WDFY4: variants seen among roughly 807,000 people sequenced by gnomAD.
The protein encoded by WDFY4 is WDFY family member 4.
WDFY4 carries 169 observed loss-of-function variants against 351.9 expected under a neutral mutation model. That is an observed-to-expected ratio of 0.48 (90% confidence interval 0.42 to 0.55). WDFY4 has a LOEUF of 0.55. Ranked by LOEUF, WDFY4 falls within the 20% of genes least tolerant of loss-of-function variation. The pLI, the probability that WDFY4 is intolerant of heterozygous loss-of-function variation, is 0.00. For synonymous variants in WDFY4, 1,622 were observed against 1,574.6 expected (o/e 1.03, Z -0.71); for missense variants, 3,803 against 3,935.6 (o/e 0.97, Z 0.90).
rs577133497 is a variant in WDFY4 at position 48,729,084 on chromosome 10, T to C, written c.972-348T>C. Among the ~76,000 whole-genome samples the C allele has an allele frequency of 2.0e-5, 3 of 152,382 alleles. No homozygotes were observed. In the East Asian group the frequency reaches 5.8e-4, roughly 29 times the overall value. The stretch of plus-strand genomic sequence containing the variant: ...CCGACTATTTCCCACACCATTTTGT[T>C]GCAATGTTGAACTATTATATTACAT... On this transcript the variant is annotated intron_variant, in intron 7 of 61. Coordinates refer to ENST00000325239, the MANE Select transcript of WDFY4 (RefSeq NM_001394531.1).
chr10:48,859,654 A>G (rs1365525029), intron 39 of WDFY4, among the ~76,000 whole-genome samples: 1 of 152,152 alleles, frequency 6.6e-6, no homozygotes, highest in Non-Finnish European at 1.5e-5. Flanking sequence ...TCGTGAACAA[A>G]TAGTTTTCTC....
chr10:48,711,944 C>T (rs566316131), intron 2 of WDFY4, among the ~76,000 whole-genome samples: 1 of 152,230 alleles, frequency 6.6e-6, no homozygotes, highest in Non-Finnish European at 1.5e-5. Flanking sequence ...TCGGAGCTCA[C>T]TCCAACATCT....
chr10:48,976,930 G>A lies in WDFY4; in HGVS notation c.9242G>A (p.Trp3081Ter). The A allele has an allele frequency of 6.5e-7, 1 of 1,529,018 alleles. No individual in the cohort carries two copies. Among genetic ancestry groups the A allele is most frequent in the Non-Finnish European group, 8.8e-7 (1 of 1,134,464 alleles). The allele number at this position is 1,529,018 out of a possible 1,614,324, so 94.7% of individuals were successfully genotyped here. The part of the protein sequence containing the change: ...TCCCLMEGPA[W>*]DTSQIIITGS... ...TGCTGCCTGATGGAGGGCCCAGCAT[G>A]GGACACAAGCCAGATCATCATCACC... is the stretch of plus-strand genomic sequence containing the variant. Residue 3081 changes from tryptophan to a stop codon, truncating the protein, a stop_gained, in exon 59 of 62, where the codon TGG (tryptophan) becomes TAG (stop). Transcript: ENST00000325239. LOFTEE classifies it high-confidence loss of function.
chr10:48,786,825 C>T lies in WDFY4; in HGVS notation c.3763C>T (p.Leu1255Phe). The T allele has an allele frequency of 6.4e-7, 1 of 1,552,244 alleles. No individual in the cohort carries two copies. The highest frequency in any genetic ancestry group is 1.2e-5 in the South Asian group (1 of 84,070). Residue 1255 changes from leucine (L) to phenylalanine (F), a missense_variant, in exon 20 of 62, where the codon CTT (leucine) becomes TTT (phenylalanine). Around this residue, in one of 3 missense-constraint regions of WDFY4, gnomAD observed 3,054 missense variants for 3,148.6 expected, o/e 0.97. Transcript: ENST00000325239. ...SMETLEVINK[L>F]GPRYCGNFQA... Reference sequence around the variant, plus strand: ...GGAAACTCTGGAAGTTATTAACAAACTTGGCCCAAGATATTGTGGTAACTT... The same window carrying T: ...GGAAACTCTGGAAGTTATTAACAAATTTGGCCCAAGATATTGTGGTAACTT...
chr10:48,932,244 C>T (rs539635982), intron 47 of WDFY4, among the ~76,000 whole-genome samples: 1 of 152,186 alleles, frequency 6.6e-6, no homozygotes, highest in Non-Finnish European at 1.5e-5. Context: ...GTGGGGAATG[C>T]TGGTGGAGTC....
At chr10:48,979,564 TGGAA>T (rs1842720495) in intron 60 of WDFY4, 2 of 137,344 alleles carry the variant, frequency 1.5e-5, no homozygotes, top group African/African-American at 5.4e-5. Flanking sequence ...GATGGATGGA[TGGAA>T]GGATGGATGG....
chr10:48,836,066 T>A (rs1280672724), intron 39 of WDFY4, among the ~76,000 whole-genome samples: 1 of 152,236 alleles, frequency 6.6e-6, no homozygotes, highest in African/African-American at 2.4e-5. Context: ...CTCTGTGAGA[T>A]GCCTTTGTCG....
In WDFY4 at chr10:48,764,990, G is replaced by C. The variant is rs114310579; in HGVS notation, c.2553+4550G>C. Among the ~76,000 whole-genome samples the C allele has an allele frequency of 4.8e-3, 738 of 152,316 alleles. 4 individuals are homozygous for C. Among genetic ancestry groups the C allele is most frequent in the African/African-American group, 0.016 (666 of 41,576 alleles). ...TATGCCAGATCAGGTAGAAGAGGAA[G>C]GAAAGAGAAGCTCAGACACAGAAAG... On this transcript the variant is annotated intron_variant, in intron 13 of 61. Transcript: ENST00000325239.
At chr10:48,782,036 G>A (rs10776644) in intron 19 of WDFY4, among the ~76,000 whole-genome samples, 23,214 of 152,080 alleles carry the variant, frequency 0.15, 2,506 homozygotes, top group African/African-American at 0.3. Context: ...AAGAAGTGGA[G>A]GTCTGTCTGT....
Position 48,974,952 on chromosome 10 carries a change from A to G in WDFY4, c.9019A>G (p.Ile3007Val). The G allele has an allele frequency of 1.3e-6, 2 of 1,551,634 alleles. No individual in the cohort carries two copies. The highest frequency in any genetic ancestry group is 1.7e-6 in the Non-Finnish European group (2 of 1,146,982). ...GAGCGGCTCCCAGGACTGCACCTGT[A>G]TCCTGTGGGATCTGGACCACCTCAC... ...LVSGSQDCTC[I>V]LWDLDHLTHV... is the part of the protein sequence containing the mutation. The change falls in exon 58 of 62, where the codon ATC (isoleucine) becomes GTC (valine). Residue 3007 changes from isoleucine to valine, a missense_variant. Ile to Val is a conservative substitution (Grantham distance 29, BLOSUM62 3). This residue lies in a region of WDFY4 where 3,054 missense variants were observed against 3,148.6 expected (regional missense o/e 0.97). Coordinates refer to ENST00000325239, the MANE Select transcript of WDFY4 (RefSeq NM_001394531.1).
intron 1 of WDFY4, among the ~76,000 whole-genome samples, chr10:48,708,932 T>G (rs1027732478): frequency 6.6e-6 from 1 of 152,212 alleles, no homozygotes; most frequent in East Asian, 1.9e-4. Context: ...ACCAGTGAAC[T>G]ATTTACATCT....
chr10:48,981,379 A>G lies in WDFY4; in HGVS notation c.9389A>G (p.Glu3130Gly), dbSNP rs1409592356. 6.4e-7 allele frequency: 1 copy of G among 1,551,750 alleles called. No homozygotes were observed. Reference protein sequence around the residue: ...QPPSPRGHKWEKNLALSRELD... With the variant: ...QPPSPRGHKWGKNLALSRELD... Reference sequence around the variant, plus strand: ...ATGCTCCACACAGGCCACAAGTGGGAGAAGAACCTGGCCTTGAGTCGAGAG... The same window carrying G: ...ATGCTCCACACAGGCCACAAGTGGGGGAAGAACCTGGCCTTGAGTCGAGAG... Residue 3130 changes from glutamate to glycine, a missense_variant, in exon 61 of 62, where the codon GAG becomes GGG. This residue lies in a region of WDFY4 where 3,054 missense variants were observed against 3,148.6 expected (regional missense o/e 0.97). Transcript: ENST00000325239.
intron 2 of WDFY4, among the ~76,000 whole-genome samples, chr10:48,711,000 T>C (rs1013870322): frequency 6.6e-6 from 1 of 152,204 alleles, no homozygotes; most frequent in Non-Finnish European, 1.5e-5. Context: ...TTGAAAAGCG[T>C]ATACCTACAA....
intron 5 of WDFY4, 105 bp downstream of exon 5, chr10:48,723,672 C>T (rs1438437311): frequency 2.6e-5 from 38 of 1,444,840 alleles, no homozygotes; most frequent in Non-Finnish European, 3.5e-5. Flanking sequence ...GCCCTGGTTC[C>T]TGAACTCCTC....
chr10:48,888,800 A>G (rs1387473684), intron 43 of WDFY4, among the ~76,000 whole-genome samples: 1 of 152,190 alleles, frequency 6.6e-6, no homozygotes, highest in African/African-American at 2.4e-5. Flanking sequence ...TTCAGGGTCT[A>G]TGTCCTCACC....
At position 48,769,786 on chromosome 10, in the gene WDFY4, G is replaced by A. The variant is rs538347828; in HGVS notation, c.2554-4672G>A. On this transcript the variant is annotated intron_variant, in intron 13 of 61. Coordinates refer to ENST00000325239, the MANE Select transcript of WDFY4 (RefSeq NM_001394531.1). ...AGAAAGTGGGGAACAGAGAGAGAGC[G>A]ATACATAAGAATGAACATCCACAGA... Among the ~76,000 whole-genome samples, 11 of 152,340 alleles carry A rather than the reference G, an allele frequency of 7.2e-5. No homozygotes were observed. The South Asian group carries it at 2.3e-3, about 32-fold the overall frequency.
At position 48,731,470 on chromosome 10, in the gene WDFY4, A is replaced by G. The variant is rs1589475361; in HGVS notation, c.1490A>G (p.Asp497Gly). 1.9e-6 allele frequency: 3 copies of G among 1,551,104 alleles called. No individual in the cohort carries two copies. Among genetic ancestry groups the G allele is most frequent in the Non-Finnish European group, 2.6e-6 (3 of 1,146,860 alleles). Reference protein sequence around the residue: ...LQSILSIAGGDPLFTDIFRDS... With the variant: ...LQSILSIAGGGPLFTDIFRDS... ...AGCATCCTCAGCATCGCTGGTGGGG[A>G]CCCCCTCTTCACCGACATCTTCCGG... Residue 497 changes from aspartate (D) to glycine (G), a missense_variant, in exon 9 of 62, where the codon GAC becomes GGC. Asp to Gly is a moderately conservative substitution (Grantham distance 94). Around this residue, in one of 3 missense-constraint regions of WDFY4, gnomAD observed 261 missense variants for 330.2 expected, o/e 0.79. Transcript: ENST00000325239.
At chr10:48,908,282 C>T (rs1837728280) in intron 47 of WDFY4, among the ~76,000 whole-genome samples, 2 of 152,186 alleles carry the variant, frequency 1.3e-5, no homozygotes, top group Admixed American at 1.3e-4. Flanking sequence ...GTGCAAATGC[C>T]CAGGAATGCT....
chr10:48,830,526 G>C (rs973458867), intron 37 of WDFY4, among the ~76,000 whole-genome samples, 174 bp from the exon 38 acceptor site: 3 of 152,302 alleles, frequency 2.0e-5, no homozygotes, highest in Non-Finnish European at 4.4e-5. Flanking sequence ...TTGTTGTCAG[G>C]CCTGTGGCTC....
Sources: gnomAD v4.1 joint callset for allele counts (sites outside exome capture counted in the v4.1 genomes callset) on GRCh38, gnomAD v4.1.1 for gene constraint, gnomAD v4.1.1 regional missense constraint, MANE v1.5 for transcripts, NCBI Gene and HGNC (gene_info 2026-07-23, HGNC 2026-07-21) for gene names.